Variants in SLC25A35 observed in about 807,000 individuals in gnomAD.
SLC25A35 encodes the protein solute carrier family 25, member 35.
SLC25A35 carries 32 observed loss-of-function variants against 30.5 expected under a neutral mutation model. The observed-to-expected ratio is 1.05, with a 90% confidence interval of 0.79 to 1.41. The LOEUF (loss-of-function observed/expected upper bound fraction) is 1.41. SLC25A35 is among the 40% of genes most tolerant of loss of function. The pLI is 0.00. For missense variants in SLC25A35, 369 were observed against 388.0 expected, an observed-to-expected ratio of 0.95 and a Z score of 0.41; for synonymous variants, 142 against 158.1, an observed-to-expected ratio of 0.90 and a Z score of 0.77.
chr17:8,288,511 C>T, downstream of SLC25A35: 1 of 546,674 alleles, frequency 1.8e-6, no homozygotes, highest in African/African-American at 1.9e-5. Context: ...GCGACATAGA[C>T]CCTAACCCTA....
chr17:8,294,520 G>A lies in SLC25A35; in HGVS notation c.288C>T (p.Ala96=), dbSNP rs760371879. The A allele has an allele frequency of 5.0e-6, 8 of 1,613,600 alleles. No individual in the cohort carries two copies. Among genetic ancestry groups the A allele is most frequent in the East Asian group, 4.5e-5 (2 of 44,880 alleles). ...TGCGGGCAGGACTGTGGGTGCCTTC[G>A]GCTGTGTGCAGGTAGCCCCCAGCCT... ...LAEAGGYLHT[A]EGTHSPARSA... The change falls in exon 1 of 5, where the codon GCC becomes GCT. Residue 96 remains alanine, a synonymous_variant. Transcript: ENST00000577745.
Position 8,294,912 on chromosome 17 carries a change from G to A in SLC25A35, c.-105C>T, listed in dbSNP as rs1990763856. On this transcript the variant is annotated 5_prime_UTR_variant, in exon 1 of 5. Transcript: ENST00000577745. The stretch of plus-strand genomic sequence containing the variant: ...GGGAAGGCCTGTTTCAGCAGTACAG[G>A]TTGCAGAAGATAAGAATTTAGATTT... 6.7e-7 allele frequency: 1 copy of A among 1,488,482 alleles called. No individual in the cohort carries two copies. Among genetic ancestry groups the A allele is most frequent in the Non-Finnish European group, 8.9e-7 (1 of 1,124,928 alleles). 92.2% of individuals were successfully genotyped at this position (1,488,482 alleles called of 1,614,324 possible).
In SLC25A35 at chr17:8,295,188, AG is replaced by A; in HGVS notation, c.-382del. ...GTTGGGAGATGGAAGCCAGGGAGGC[AG>A]GAAGAAGAAAGCCAGCAAGTGAGAG... On this transcript the variant is annotated 5_prime_UTR_variant, in exon 1 of 5. Coordinates refer to ENST00000577745, the MANE Select transcript of SLC25A35 (RefSeq NM_001320870.2). 9.9e-7 allele frequency: 1 copy of A among 1,014,224 alleles called. No homozygotes were observed. The highest frequency in any genetic ancestry group is 4.4e-5 in the South Asian group (1 of 22,520). The allele number at this position is 1,014,224 out of a possible 1,614,324, so 62.8% of individuals were successfully genotyped here.
rs754191844 is a variant in SLC25A35 at position 8,291,362 on chromosome 17, A to T, written c.565T>A (p.Ser189Thr). Residue 189 changes from serine (S) to threonine (T), a missense_variant, in exon 3 of 5, where the codon TCC becomes ACC. Physicochemically the swap from Ser to Thr is moderately conservative, Grantham distance 58. Coordinates refer to ENST00000577745, the MANE Select transcript of SLC25A35 (RefSeq NM_001320870.2). Reference protein sequence around the residue: ...GSSTQLCTFSSTKDLLSQWEI... With the variant: ...GSSTQLCTFSTTKDLLSQWEI... ...CACTGGCTCAGGAGGTCCTTGGTGG[A>T]TGAGAAGGTGCACAGCTGGGTGGAG... is the stretch of plus-strand genomic sequence containing the variant. The T allele has an allele frequency of 6.8e-6, 11 of 1,613,898 alleles. No homozygotes were observed. In the South Asian group the frequency reaches 1.1e-4, roughly 16 times the overall value.
At chr17:8,294,057 A>C (rs1004309337) in intron 1 of SLC25A35, among the ~76,000 whole-genome samples, 1 of 149,052 alleles carries the variant, frequency 6.7e-6, no homozygotes, top group Non-Finnish European at 1.5e-5. Flanking sequence ...CTGGGACTAC[A>C]GGCGCCCACC....
At chr17:8,289,174 G>T (rs1990278504), downstream of SLC25A35, 1 of 1,601,052 alleles carries the variant, frequency 6.2e-7, no homozygotes, top group East Asian at 2.2e-5. Context: ...CCACGCACGG[G>T]CCGGGAGCCA....
At chr17:8,288,653 CA>C, downstream of SLC25A35, 1 of 1,047,434 alleles carries the variant, frequency 9.5e-7, no homozygotes, top group Non-Finnish European at 1.5e-6. Flanking sequence ...AGGGCGGAGC[CA>C]AATCTTAAAG....
downstream of SLC25A35, chr17:8,289,830 C>G: frequency 6.2e-7 from 1 of 1,614,082 alleles, no homozygotes; most frequent in Non-Finnish European, 8.5e-7. Context: ...AACAGGTCAT[C>G]TCTTGGCCCC....
chr17:8,289,069 C>T (rs149958174), downstream of SLC25A35: 1 of 1,613,392 alleles, frequency 6.2e-7, no homozygotes, highest in Admixed American at 1.7e-5. Context: ...GAAGCGGCTG[C>T]GCGGTGAGGG....
downstream of SLC25A35, chr17:8,289,534 T>TGCTGAG (rs1567657179): frequency 6.2e-7 from 1 of 1,614,180 alleles, no homozygotes; most frequent in Non-Finnish European, 8.5e-7. Flanking sequence ...CATCAGGCCT[T>TGCTGAG]GCTGAGGCTG....
rs926894459 is a variant in SLC25A35 at position 8,290,608 on chromosome 17, T to C, written c.800A>G (p.Tyr267Cys). The C allele has an allele frequency of 6.5e-7, 1 of 1,536,968 alleles. No homozygotes were observed. The highest frequency in any genetic ancestry group is 8.7e-7 in the Non-Finnish European group (1 of 1,147,128). ...GAAGTAGGAGGCACCTATACCCTTG[T>C]ACATGCCAAAAATGCCCTCGGTCCG... ...TARTEGIFGM[Y>C]KGIGASYFRL... Residue 267 changes from tyrosine (Y) to cysteine (C), a missense_variant, in exon 5 of 5, where the codon TAC becomes TGC. Physicochemically the swap from Tyr to Cys is radical, Grantham distance 194. Transcript: ENST00000577745.
At position 8,290,179 on chromosome 17, in the gene SLC25A35, G is replaced by A. The variant is rs768813885; in HGVS notation, c.*326C>T. The A allele has an allele frequency of 4.2e-6, 6 of 1,433,474 alleles. No individual in the cohort carries two copies. The highest frequency in any genetic ancestry group is 2.5e-5 in the East Asian group (1 of 39,810). 88.8% of individuals were successfully genotyped at this position (1,433,474 alleles called of 1,614,324 possible). A position where few individuals can be genotyped will look rare whatever the true frequency, so the allele number is the denominator to read the frequency against. On this transcript the variant is annotated 3_prime_UTR_variant, in exon 5 of 5. Transcript: ENST00000577745. ...CGATTCCCTTTGGTTTTGGAGGGAG[G>A]AGTTTAAAACTGTGCATGGGAGCAG...
downstream of SLC25A35, chr17:8,288,868 G>A (rs781177012): frequency 6.2e-7 from 1 of 1,614,270 alleles, no homozygotes; most frequent in African/African-American, 1.3e-5. Context: ...GACGTAAGGT[G>A]AGAAGGCCGG....
In SLC25A35 at chr17:8,295,272, A is replaced by G; in HGVS notation, c.-465T>C. 1.0e-6 allele frequency: 1 copy of G among 988,110 alleles called. No individual in the cohort carries two copies. Among genetic ancestry groups the G allele is most frequent in the South Asian group, 4.6e-5 (1 of 21,654 alleles). The allele number at this position is 988,110 out of a possible 1,614,324, so 61.2% of individuals were successfully genotyped here. A position where few individuals can be genotyped will look rare whatever the true frequency, so the allele number is the denominator to read the frequency against. The stretch of plus-strand genomic sequence containing the variant: ...TCCTCGAGCCAGCAACGAGATCTCG[A>G]TCCGAGAAAGAAGTCAGGACTCTGG... On this transcript the variant is annotated 5_prime_UTR_variant, in exon 1 of 5. Coordinates refer to ENST00000577745, the MANE Select transcript of SLC25A35 (RefSeq NM_001320870.2).
At chr17:8,288,547 C>T, downstream of SLC25A35, 1 of 596,102 alleles carries the variant, frequency 1.7e-6, no homozygotes, top group Non-Finnish European at 3.0e-6. Context: ...CAGACCCCAC[C>T]GTCCCGCCAG....
Position 8,294,522 on chromosome 17 carries a change from C to T in SLC25A35, c.286G>A (p.Ala96Thr), listed in dbSNP as rs1990734266. 2.5e-6 allele frequency: 4 copies of T among 1,613,808 alleles called. No individual in the cohort carries two copies. The African/African-American group carries it at 5.3e-5, about 22-fold the overall frequency. Residue 96 changes from alanine to threonine, a missense_variant, in exon 1 of 5, where the codon GCC becomes ACC. Physicochemically the swap from Ala to Thr is moderately conservative, Grantham distance 58. Transcript: ENST00000577745. ...CGGGCAGGACTGTGGGTGCCTTCGG[C>T]TGTGTGCAGGTAGCCCCCAGCCTCA... ...LAEAGGYLHT[A>T]EGTHSPARSA...
At chr17:8,292,362 A>G (rs1020918376) in intron 2 of SLC25A35, among the ~76,000 whole-genome samples, 161 bp downstream of exon 2, 1 of 152,228 alleles carries the variant, frequency 6.6e-6, no homozygotes, top group Non-Finnish European at 1.5e-5. Context: ...CCATCTAAAA[A>G]AAGAGTAAAG....
At position 8,290,072 on chromosome 17, in the gene SLC25A35, C is replaced by T; in HGVS notation, c.*433G>A. 4 of 1,550,692 alleles carry T rather than the reference C, an allele frequency of 2.6e-6. No individual in the cohort carries two copies. Among genetic ancestry groups the T allele is most frequent in the Non-Finnish European group, 2.6e-6 (3 of 1,147,728 alleles). On this transcript the variant is annotated 3_prime_UTR_variant, in exon 5 of 5. Transcript: ENST00000577745. Reference sequence around the variant, plus strand: ...TAAGACAATCCCTCTTCAGAATAAACTTGCTTTATAATCAATATAATCTCT... The same window carrying T: ...TAAGACAATCCCTCTTCAGAATAAATTTGCTTTATAATCAATATAATCTCT...
At chr17:8,289,437 T>C (rs1990303363), downstream of SLC25A35, 5 of 1,614,016 alleles carry the variant, frequency 3.1e-6, no homozygotes, top group Non-Finnish European at 4.2e-6. Flanking sequence ...GAGTGTGTAA[T>C]GTCCTGGAAG....
Sources: gnomAD v4.1 joint callset for allele counts (sites outside exome capture counted in the v4.1 genomes callset) on GRCh38, gnomAD v4.1.1 for gene constraint, MANE v1.5 for transcripts, NCBI Gene and HGNC (gene_info 2026-07-23, HGNC 2026-07-21) for gene names.